The following IQSEC1 variants were observed in gnomAD, a reference collection of about 807,000 sequenced individuals.
IQSEC1 encodes the protein IQ motif and Sec7 domain ArfGEF 1.
Under a neutral mutation model 91.0 loss-of-function variants are expected in IQSEC1, and 31 were observed. That is an observed-to-expected ratio of 0.34 (90% CI 0.26 to 0.46). IQSEC1 has a LOEUF of 0.46. IQSEC1 is among the 20% of genes least tolerant of loss of function. The probability of loss-of-function intolerance (pLI) is 1.00; values close to 1 mark genes in which losing one functional copy is unlikely to be tolerated. For missense variants in IQSEC1, 1,388 were observed against 1,575.6 expected, an observed-to-expected ratio of 0.88 and a Z score of 2.02; for synonymous variants, 699 against 662.6, an observed-to-expected ratio of 1.05 and a Z score of -0.84.
At chr3:13,147,935 C>T (rs540428261) in intron 2 of IQSEC1, among the ~76,000 whole-genome samples, 1 of 152,318 alleles carries the variant, frequency 6.6e-6, no homozygotes, top group South Asian at 2.1e-4. Flanking sequence ...GCCCAGCCGA[C>T]AGGTGTCTTT....
chr3:13,249,719 G>C (rs78159344), intron 1 of IQSEC1, among the ~76,000 whole-genome samples: 1 of 152,142 alleles, frequency 6.6e-6, no homozygotes, highest in Admixed American at 6.5e-5. Flanking sequence ...TGGGGGAGCC[G>C]GGGTCAAGGG....
rs371296967 is a variant in IQSEC1, at chr3:12,899,664, T to C, written c.*1319A>G. ...AGGACACAGGGGTTCTGCTAGCACA[T>C]GGCTACATGGAATTACGGTGATCAC... On this transcript the variant is annotated 3_prime_UTR_variant, in exon 14 of 14. Transcript: ENST00000613206. The C allele has an allele frequency of 1.2e-5, 12 of 985,368 alleles. No homozygotes were observed. In the South Asian group the frequency reaches 2.8e-4, roughly 23 times the overall value. 61.0% of individuals were successfully genotyped at this position (985,368 alleles called of 1,614,324 possible).
At chr3:12,903,821 C>T (rs1694655394) in intron 12 of IQSEC1, among the ~76,000 whole-genome samples, 1 of 152,212 alleles carries the variant, frequency 6.6e-6, no homozygotes, top group African/African-American at 2.4e-5. Flanking sequence ...ATCTGGGCAG[C>T]ATCACCATGT....
At chr3:12,976,611 T>C (rs1409466781) in intron 1 of IQSEC1, among the ~76,000 whole-genome samples, 1 of 152,212 alleles carries the variant, frequency 6.6e-6, no homozygotes, top group East Asian at 1.9e-4. Flanking sequence ...TGAACCTTCG[T>C]CCACATTCTC....
intron 1 of IQSEC1, among the ~76,000 whole-genome samples, chr3:13,177,718 G>A (rs1376359339): frequency 2.6e-5 from 4 of 152,290 alleles, no homozygotes; most frequent in Middle Eastern, 6.8e-3. Flanking sequence ...TGCTGTTCAC[G>A]GCCACCCACA....
At chr3:13,101,069 G>A (rs1367043263) in intron 2 of IQSEC1, among the ~76,000 whole-genome samples, 1 of 122,506 alleles carries the variant, frequency 8.2e-6, no homozygotes, top group Admixed American at 7.7e-5. Context: ...ACTGAGCTGG[G>A]AAGAGGAGGT....
At chr3:13,075,413 G>A (rs1040205286), upstream of IQSEC1, among the ~76,000 whole-genome samples, 2 of 152,194 alleles carry the variant, frequency 1.3e-5, no homozygotes, top group African/African-American at 2.4e-5. Flanking sequence ...CCTCTCAGCC[G>A]CCTTGCTCAA....
intron 2 of IQSEC1, among the ~76,000 whole-genome samples, chr3:13,141,343 T>C (rs1404536199): frequency 6.6e-6 from 1 of 152,192 alleles, no homozygotes; most frequent in Non-Finnish European, 1.5e-5. Context: ...AGATGAGAGA[T>C]GTGCGGCCCA....
chr3:13,088,124 T>A (rs1465382196), intron 2 of IQSEC1, among the ~76,000 whole-genome samples: 1 of 152,126 alleles, frequency 6.6e-6, no homozygotes, highest in Non-Finnish European at 1.5e-5. Context: ...GACCCACTGA[T>A]CACTTTGTGT....
intron 2 of IQSEC1, among the ~76,000 whole-genome samples, chr3:13,114,792 CAAA>C (rs11462232): frequency 5.5e-5 from 5 of 90,330 alleles, no homozygotes; most frequent in Admixed American, 1.2e-4. Context: ...GACATCGTCT[CAAA>C]AAAAAAAAAA....
rs181754490 is a variant in IQSEC1 at position 12,981,821 on chromosome 3, G to A, written c.24-39956C>T. Among the ~76,000 whole-genome samples the A allele has an allele frequency of 2.3e-4, 35 of 152,242 alleles. No individual in the cohort carries two copies. The East Asian group carries it at 5.2e-3, about 23-fold the overall frequency. ...CAGCAGCTTGGTGAGCCTCGAGTCC[G>A]CCATGGGGTCAGGAGCCGGGTGAGA... On this transcript the variant is annotated intron_variant, in intron 1 of 13. Coordinates refer to ENST00000613206, the MANE Select transcript of IQSEC1 (RefSeq NM_001134382.3).
chr3:13,184,951 C>T (rs954984239), intron 1 of IQSEC1, among the ~76,000 whole-genome samples: 3 of 152,094 alleles, frequency 2.0e-5, no homozygotes, highest in Non-Finnish European at 2.9e-5. Flanking sequence ...CTCCAGTTCC[C>T]GAGTAGGGCC....
At chr3:13,004,439 C>T (rs892272) in intron 1 of IQSEC1, among the ~76,000 whole-genome samples, 14,598 of 152,180 alleles carry the variant, frequency 0.096, 794 homozygotes, top group East Asian at 0.15. Context: ...GTGGAAACCC[C>T]TCAGCTACAC....
At chr3:12,938,994 G>C (rs1698497728) in intron 2 of IQSEC1, among the ~76,000 whole-genome samples, 1 of 152,180 alleles carries the variant, frequency 6.6e-6, no homozygotes, top group African/African-American at 2.4e-5. Flanking sequence ...TGGAACTATT[G>C]CCAGGCCCGG....
At chr3:13,281,857 G>A (rs1055088450) in intron 1 of IQSEC1, among the ~76,000 whole-genome samples, 4 of 152,180 alleles carry the variant, frequency 2.6e-5, no homozygotes, top group Non-Finnish European at 4.4e-5. Flanking sequence ...AGGCAGAGGG[G>A]CAGGCAGAGG....
At chr3:13,070,713 G>A (rs1705385041) in intron 1 of IQSEC1, among the ~76,000 whole-genome samples, 1 of 152,224 alleles carries the variant, frequency 6.6e-6, no homozygotes, top group South Asian at 2.1e-4. Context: ...GCAGAGCGGG[G>A]ATGGCCTGGG....
Position 12,967,290 on chromosome 3 carries a change from G to T in IQSEC1, c.24-25425C>A. On this transcript the variant is annotated intron_variant, in intron 1 of 13. Coordinates refer to ENST00000613206, the MANE Select transcript of IQSEC1 (RefSeq NM_001134382.3). This position sits in a 1 kb window ranked among gnomAD's most constrained non-coding sequence, Gnocchi z 5.9. ...TCTCGCACGCCGGGCGCCCGGTCCC[G>T]ACGGTCACCCGCACTCCCGCACAGG... 9.1e-7 allele frequency: 1 copy of T among 1,093,390 alleles called. No homozygotes were observed. The highest frequency in any genetic ancestry group is 1.3e-6 in the Non-Finnish European group (1 of 791,090). 67.7% of individuals were successfully genotyped at this position (1,093,390 alleles called of 1,614,324 possible). A position where few individuals can be genotyped will look rare whatever the true frequency, so the allele number is the denominator to read the frequency against.
At chr3:13,139,271 C>A (rs1706760942) in intron 2 of IQSEC1, among the ~76,000 whole-genome samples, 1 of 152,198 alleles carries the variant, frequency 6.6e-6, no homozygotes, top group Non-Finnish European at 1.5e-5. Context: ...TGTGGCCCAG[C>A]CTATTTTGAC....
chr3:13,071,408 T>C (rs1397647441), intron 1 of IQSEC1, among the ~76,000 whole-genome samples: 2 of 152,076 alleles, frequency 1.3e-5, no homozygotes. Flanking sequence ...CATTTCATCC[T>C]CATGACATCT....
Sources: gnomAD v4.1 joint callset for allele counts (sites outside exome capture counted in the v4.1 genomes callset) on GRCh38, gnomAD v4.1.1 for gene constraint, Gnocchi (gnomAD v3.1) non-coding constraint, MANE v1.5 for transcripts, NCBI Gene and HGNC (gene_info 2026-07-23, HGNC 2026-07-21) for gene names.